PPP2R2B: variants seen among roughly 807,000 people sequenced by gnomAD.
PPP2R2B encodes protein phosphatase 2 regulatory subunit Bbeta, also known as serine/threonine-protein phosphatase 2A 55 kDa regulatory subunit B beta isoform.
In PPP2R2B, 5 loss-of-function variants were observed where a neutral mutation model predicts 46.0. That is an observed-to-expected ratio of 0.11 (90% CI 0.06 to 0.23). The LOEUF (loss-of-function observed/expected upper bound fraction) is 0.23, where lower values mean the gene tolerates loss of function less well. Among genes scored for constraint, PPP2R2B ranks in the 10% least tolerant of loss-of-function variants. The pLI is 1.00. For synonymous variants in PPP2R2B, 215 were observed against 206.7 expected (o/e 1.04, Z -0.34); for missense variants, 367 against 575.0 (o/e 0.64, Z 3.70).
intron 1 of PPP2R2B, among the ~76,000 whole-genome samples, chr5:147,003,449 T>G (rs1032795066): frequency 6.6e-6 from 1 of 152,168 alleles, no homozygotes; most frequent in East Asian, 1.9e-4. Flanking sequence ...ATGATCCTGA[T>G]AGGTATATAG....
At chr5:146,998,357 G>A (rs1006426335) in intron 1 of PPP2R2B, among the ~76,000 whole-genome samples, 10 of 152,182 alleles carry the variant, frequency 6.6e-5, no homozygotes, top group Admixed American at 2.6e-4. Flanking sequence ...GCCCAGGAAT[G>A]TGCTCTTAGT....
chr5:146,648,081 G>A (rs1404463436), intron 6 of PPP2R2B, among the ~76,000 whole-genome samples: 1 of 152,136 alleles, frequency 6.6e-6, no homozygotes, highest in Non-Finnish European at 1.5e-5. Context: ...TTTTTATCCT[G>A]GGCACACAGC....
chr5:146,858,089 A>G (rs148757478), intron 2 of PPP2R2B, among the ~76,000 whole-genome samples: 130 of 152,274 alleles, frequency 8.5e-4, no homozygotes, highest in African/African-American at 3.1e-3. Context: ...CGTCACTTTT[A>G]ATACTTACAA....
chr5:147,011,646 G>C (rs1580799360), intron 1 of PPP2R2B, among the ~76,000 whole-genome samples: 1 of 150,670 alleles, frequency 6.6e-6, no homozygotes, highest in African/African-American at 2.4e-5. Flanking sequence ...GGGCATCCCT[G>C]TCTTGTGCCA....
At chr5:146,692,520 TAATTC>T (rs1778916551) in intron 4 of PPP2R2B, among the ~76,000 whole-genome samples, 8 of 150,402 alleles carry the variant, frequency 5.3e-5, no homozygotes, top group Admixed American at 3.3e-4. Flanking sequence ...TGCAGGCTTT[TAATTC>T]AATTTTTTTT....
intron 1 of PPP2R2B, among the ~76,000 whole-genome samples, chr5:147,009,860 CACAT>C (rs1157820109): frequency 6.7e-4 from 92 of 136,720 alleles, no homozygotes; most frequent in African/African-American, 2.2e-3. Flanking sequence ...TATACACACA[CACAT>C]ACACACACAC....
intron 2 of PPP2R2B, among the ~76,000 whole-genome samples, chr5:146,711,464 T>A (rs926518691): frequency 6.6e-6 from 1 of 152,218 alleles, no homozygotes; most frequent in Non-Finnish European, 1.5e-5. Flanking sequence ...TTGATGATTT[T>A]AGAATGAGAT....
chr5:146,819,348 G>C (rs1758119457), intron 2 of PPP2R2B, among the ~76,000 whole-genome samples: 3 of 152,096 alleles, frequency 2.0e-5, no homozygotes, highest in Admixed American at 6.6e-5. Flanking sequence ...CAAAACCTAA[G>C]GATGAGCACA....
chr5:147,028,614 A>G (rs1000568473), intron 1 of PPP2R2B, among the ~76,000 whole-genome samples: 1 of 152,120 alleles, frequency 6.6e-6, no homozygotes, highest in African/African-American at 2.4e-5. Context: ...GTTTTCATTT[A>G]GGGTTATCAT....
chr5:146,994,838 G>A (rs1306779890), intron 1 of PPP2R2B, among the ~76,000 whole-genome samples: 1 of 152,206 alleles, frequency 6.6e-6, no homozygotes, highest in African/African-American at 2.4e-5. Flanking sequence ...TGGTAGTCAA[G>A]ACAGACATAG....
At chr5:146,834,521 A>T (rs1759156073) in intron 2 of PPP2R2B, among the ~76,000 whole-genome samples, 1 of 152,232 alleles carries the variant, frequency 6.6e-6, no homozygotes, top group African/African-American at 2.4e-5. Flanking sequence ...AGGTTCAGTT[A>T]TCAAGGATCA....
At chr5:146,938,834 G>A (rs751359632) in intron 1 of PPP2R2B, among the ~76,000 whole-genome samples, 74 of 137,506 alleles carry the variant, frequency 5.4e-4, no homozygotes, top group African/African-American at 2.0e-3. Flanking sequence ...TGCATGGAGT[G>A]CAGTGGTGTG....
At chr5:147,012,229 G>C (rs1036010563) in intron 1 of PPP2R2B, among the ~76,000 whole-genome samples, 1 of 152,098 alleles carries the variant, frequency 6.6e-6, no homozygotes. Context: ...TGGTTGGTAA[G>C]CTATTGATTA....
intron 1 of PPP2R2B, among the ~76,000 whole-genome samples, chr5:147,041,283 A>C (rs1756284306): frequency 6.6e-6 from 1 of 152,138 alleles, no homozygotes; most frequent in Non-Finnish European, 1.5e-5. Context: ...CTCTCCTCAC[A>C]GGCTGTAGCA....
At chr5:147,002,945 A>G (rs1754247759) in intron 1 of PPP2R2B, among the ~76,000 whole-genome samples, 1 of 151,948 alleles carries the variant, frequency 6.6e-6, no homozygotes, top group Non-Finnish European at 1.5e-5. Context: ...GACCAATTTG[A>G]CCCACAAACC....
At chr5:147,067,431 G>T (rs567599417) in intron 2 of PPP2R2B, among the ~76,000 whole-genome samples, 2 of 152,178 alleles carry the variant, frequency 1.3e-5, no homozygotes, top group South Asian at 2.1e-4. Context: ...TGCCTGTCTT[G>T]CTTCACTTAA....
At chr5:146,960,748 G>C (rs1582502442) in intron 1 of PPP2R2B, among the ~76,000 whole-genome samples, 1 of 152,226 alleles carries the variant, frequency 6.6e-6, no homozygotes, top group East Asian at 1.9e-4. Flanking sequence ...CTAGATGACA[G>C]ATTTTTACAT....
chr5:146,865,026 G>A (rs1761226881), intron 2 of PPP2R2B, among the ~76,000 whole-genome samples: 1 of 152,048 alleles, frequency 6.6e-6, no homozygotes. Flanking sequence ...TTAGAAACTT[G>A]TTCTAAAACA....
intron 2 of PPP2R2B, among the ~76,000 whole-genome samples, chr5:146,727,561 C>T (rs937580940): frequency 2.0e-5 from 3 of 151,976 alleles, no homozygotes; most frequent in African/African-American, 7.3e-5. Flanking sequence ...GAACTATTAC[C>T]TATCAGGTAG....
Sources: allele counts gnomAD v4.1 joint callset (sites outside exome capture counted in the v4.1 genomes callset), GRCh38; gene constraint gnomAD v4.1.1; transcripts MANE v1.5; gene names NCBI Gene and HGNC (gene_info 2026-07-23, HGNC 2026-07-21).